Variants in RPS20 observed in about 807,000 individuals in gnomAD.
The protein encoded by RPS20 is ribosomal protein S20, also known as small ribosomal subunit protein uS10.
RPS20 carries 3 observed loss-of-function variants against 15.3 expected under a neutral mutation model. The observed-to-expected ratio is 0.20, with a 90% confidence interval of 0.09 to 0.51. RPS20 has a LOEUF of 0.51. RPS20 is among the 20% of genes least tolerant of loss of function. The pLI is 0.96. For synonymous variants in RPS20, 62 were observed against 47.8 expected (o/e 1.30, Z -1.23); for missense variants, 67 against 145.9 (o/e 0.46, Z 2.79).
intron 2 of RPS20, 137 bp from the exon 3 acceptor site, chr8:56,073,905 G>A (rs375521153): frequency 8.3e-6 from 9 of 1,084,914 alleles, no homozygotes; most frequent in South Asian, 1.2e-5. Context: ...ATCGCCAGCT[G>A]TATGACAGTA....
chr8:56,074,262 G>T, intron 1 of RPS20, 103 bp from the exon 2 acceptor site: 1 of 1,526,050 alleles, frequency 6.6e-7, no homozygotes, highest in African/African-American at 1.4e-5. Context: ...ACCATTTCAG[G>T]AGCGCCTTTC....
At chr8:56,073,301 G>A (rs755023684) in intron 3 of RPS20, 29 bp from the exon 4 acceptor site, 2 of 1,415,506 alleles carry the variant, frequency 1.4e-6, no homozygotes, top group Admixed American at 1.7e-5. Flanking sequence ...GAAACCAAGT[G>A]TTTATCGTTT....
chr8:56,073,609 T>C, intron 3 of RPS20, 86 bp downstream of exon 3: 1 of 1,104,648 alleles, frequency 9.1e-7, no homozygotes, highest in Admixed American at 1.7e-5. Context: ...GTGTTAACAA[T>C]TTTGGCAGCC....
downstream of RPS20, chr8:56,069,737 G>T (rs1305312708): frequency 1.3e-6 from 2 of 1,551,578 alleles, no homozygotes; most frequent in Admixed American, 2.0e-5. Context: ...GGAGAATGCA[G>T]TTAAAAAGGA....
downstream of RPS20, among the ~76,000 whole-genome samples, chr8:56,071,099 AC>A (rs1337572451): frequency 2.0e-5 from 3 of 152,254 alleles, no homozygotes; most frequent in Non-Finnish European, 4.4e-5. Context: ...GTTCTCAATT[AC>A]GTATAGCTTT....
intron 2 of RPS20, 86 bp from the exon 3 acceptor site, chr8:56,073,854 ATAAAAT>A: frequency 7.7e-7 from 1 of 1,301,726 alleles, no homozygotes. Context: ...AGAATAGCGT[ATAAAAT>A]TATCACCGTT....
downstream of RPS20, among the ~76,000 whole-genome samples, chr8:56,070,679 T>C (rs1345454037): frequency 6.6e-6 from 1 of 151,106 alleles, no homozygotes; most frequent in Non-Finnish European, 1.5e-5. Context: ...CAGCGAGCCA[T>C]GTTCGCACGA....
At chr8:56,073,957 T>G in intron 2 of RPS20, 103 bp downstream of exon 2, 1 of 1,165,372 alleles carries the variant, frequency 8.6e-7, no homozygotes. Flanking sequence ...AAGTAACTTG[T>G]CACTTTAGTT....
rs563540072 is a variant in RPS20 at position 56,074,409 on chromosome 8, C to T, written c.-26G>A. 3 of 1,555,390 alleles carry T rather than the reference C, an allele frequency of 1.9e-6. No individual in the cohort carries two copies. The highest frequency in any genetic ancestry group is 2.4e-5 in the East Asian group (1 of 42,184). ...GGCTGTTGCGCGCGGGCTTCCTGAC[C>T]GACTTGTTCCTCGGCGAGAGCGAAC... On this transcript the variant is annotated 5_prime_UTR_variant, in exon 1 of 4. Coordinates refer to ENST00000009589, the MANE Select transcript of RPS20 (RefSeq NM_001023.4).
downstream of RPS20, chr8:56,072,978 CT>C (rs1809807417): frequency 2.1e-6 from 3 of 1,463,140 alleles, no homozygotes; most frequent in South Asian, 1.4e-5. Flanking sequence ...TATATTCCAC[CT>C]GAAAAGTGGA....
chr8:56,073,881 A>G (rs1156506484), intron 2 of RPS20, 113 bp from the exon 3 acceptor site: 6 of 1,130,402 alleles, frequency 5.3e-6, no homozygotes, highest in East Asian at 2.3e-5. Flanking sequence ...ACTCAACACA[A>G]TAGGTACCTC....
At chr8:56,071,554 A>T (rs749348805), downstream of RPS20, among the ~76,000 whole-genome samples, 1 of 152,212 alleles carries the variant, frequency 6.6e-6, no homozygotes, top group Non-Finnish European at 1.5e-5. Flanking sequence ...TAACAGCAGT[A>T]GGGGAGGGGC....
At chr8:56,070,716 G>A (rs375998869), downstream of RPS20, among the ~76,000 whole-genome samples, 56 of 148,718 alleles carry the variant, frequency 3.8e-4, no homozygotes, top group South Asian at 4.2e-4. Flanking sequence ...GTGACACAGC[G>A]AGACTGTTTC....
At chr8:56,073,296 C>T in intron 3 of RPS20, 24 bp from the exon 4 acceptor site, 1 of 1,463,504 alleles carries the variant, frequency 6.8e-7, no homozygotes, top group Admixed American at 1.7e-5. Flanking sequence ...CAAAGGAAAC[C>T]AAGTGTTTAT....
chr8:56,068,199 G>C (rs1385702816), downstream of RPS20: 2 of 152,014 alleles, frequency 1.3e-5, no homozygotes, highest in African/African-American at 4.8e-5. Flanking sequence ...CATCATAAAG[G>C]AGTTTTTAAA....
At chr8:56,068,805 A>ATTT (rs1320901753), downstream of RPS20, among the ~76,000 whole-genome samples, 3 of 41,512 alleles carry the variant, frequency 7.2e-5, no homozygotes, top group Non-Finnish European at 1.0e-4. Flanking sequence ...TGGTGAAAAT[A>ATTT]TCTTTTTTTT....
At chr8:56,069,866 T>C (rs1809705309), downstream of RPS20, 4 of 1,038,314 alleles carry the variant, frequency 3.9e-6, no homozygotes, top group African/African-American at 1.6e-5. Context: ...AAAAAAATTG[T>C]CTCTACTGCA....
downstream of RPS20, chr8:56,068,083 G>T (rs1294464734): frequency 6.6e-6 from 1 of 151,884 alleles, no homozygotes; most frequent in Non-Finnish European, 1.5e-5. Context: ...TGGGGAAGTT[G>T]TTGGAGTCAT....
chr8:56,073,354 C>G, intron 3 of RPS20, 82 bp from the exon 4 acceptor site: 4 of 907,092 alleles, frequency 4.4e-6, no homozygotes, highest in Non-Finnish European at 5.3e-6. Flanking sequence ...TACTTCTAAT[C>G]ATTTCATTAG....
Sources: allele counts gnomAD v4.1 joint callset (sites outside exome capture counted in the v4.1 genomes callset), GRCh38; gene constraint gnomAD v4.1.1; transcripts MANE v1.5; gene names NCBI Gene and HGNC (gene_info 2026-07-23, HGNC 2026-07-21).